The following PRLR variants were observed in gnomAD, a reference collection of about 807,000 sequenced individuals.
PRLR encodes the protein prolactin receptor.
Under a neutral mutation model 40.2 loss-of-function variants are expected in PRLR, and 13 were observed. That is an observed-to-expected ratio of 0.32 (90% CI 0.21 to 0.51). PRLR has a LOEUF of 0.51. PRLR is among the 20% of genes least tolerant of loss of function. The pLI, the probability that PRLR is intolerant of heterozygous loss-of-function variation, is 0.97. For missense variants in PRLR, 656 were observed against 747.3 expected (o/e 0.88, Z 1.42); for synonymous variants, 269 against 278.7 (o/e 0.97, Z 0.35).
intron 1 of PRLR, among the ~76,000 whole-genome samples, chr5:35,210,287 T>A (rs1776138833): frequency 6.6e-6 from 1 of 152,224 alleles, no homozygotes; most frequent in Non-Finnish European, 1.5e-5. Flanking sequence ...AGAAGCTCTG[T>A]GTAGGCAGAA....
chr5:35,176,682 A>G lies in PRLR; in HGVS notation c.-106+53586T>C, dbSNP rs1579767196. ...GTACCCAGGGACACAAAAACTGCGG[A>G]AGGCCGCAGGGACCTCTGCCTAGGA... is the stretch of plus-strand genomic sequence containing the variant. On this transcript the variant is annotated intron_variant, in intron 1 of 9. Coordinates refer to ENST00000618457, the MANE Select transcript of PRLR (RefSeq NM_000949.7). Among the ~76,000 whole-genome samples the G allele has an allele frequency of 3.9e-5, 6 of 152,280 alleles. No homozygotes were observed. In the South Asian group the frequency reaches 8.3e-4, roughly 21 times the overall value.
rs553990549 is a variant in PRLR at position 35,058,195 on chromosome 5, T to C, written c.*6894A>G. 1.3e-5 allele frequency: 2 copies of C among 152,152 alleles called. No homozygotes were observed. Among genetic ancestry groups the C allele is most frequent in the Admixed American group, 6.5e-5 (1 of 15,274 alleles). The allele number at this position is 152,152 out of a possible 1,614,324, so 9.4% of individuals were successfully genotyped here. ...CAATTACTTCTAATTTCTCACTTAG[T>C]GTTGGGGAATTTTGCTTGGCATTTT... On this transcript the variant is annotated 3_prime_UTR_variant, in exon 10 of 10. Coordinates refer to ENST00000618457, the MANE Select transcript of PRLR (RefSeq NM_000949.7).
intron 1 of PRLR, among the ~76,000 whole-genome samples, chr5:35,214,031 C>T (rs984961616): frequency 1.3e-5 from 2 of 152,198 alleles, no homozygotes; most frequent in Non-Finnish European, 2.9e-5. Flanking sequence ...CCCCGTTGTG[C>T]CTCTTGCTAA....
intron 2 of PRLR, among the ~76,000 whole-genome samples, chr5:35,102,619 T>G (rs979094898): frequency 4.0e-5 from 6 of 150,612 alleles, no homozygotes; most frequent in Non-Finnish European, 7.4e-5. Context: ...CTTGGCTCAC[T>G]GCAACCTCCA....
chr5:35,074,323 G>A lies in PRLR; in HGVS notation c.374-1579C>T, dbSNP rs542419094. On this transcript the variant is annotated intron_variant, in intron 5 of 9. Coordinates refer to ENST00000618457, the MANE Select transcript of PRLR (RefSeq NM_000949.7). The stretch of plus-strand genomic sequence containing the variant: ...TAAAAATACAAAAAATTTGCCAGGC[G>A]TGGTGGTGTGCACCTGTAGTTCCAG... Among the ~76,000 whole-genome samples the A allele has an allele frequency of 1.9e-3, 293 of 151,882 alleles. 1 individual carries two copies. Among genetic ancestry groups the A allele is most frequent in the Middle Eastern group, 6.8e-3 (2 of 294 alleles).
chr5:35,079,118 A>C (rs148369476), intron 5 of PRLR, among the ~76,000 whole-genome samples: 1,768 of 152,298 alleles, frequency 0.012, 35 homozygotes, highest in African/African-American at 0.04. Flanking sequence ...ATGGGCAAAA[A>C]CAGGAAGCAT....
At chr5:35,105,962 C>A (rs1056519477) in intron 2 of PRLR, among the ~76,000 whole-genome samples, 3 of 152,070 alleles carry the variant, frequency 2.0e-5, no homozygotes, top group African/African-American at 7.2e-5. Context: ...AAAAATGTTA[C>A]GGGCAGCCAG....
chr5:35,106,248 A>G (rs1772240385), intron 2 of PRLR, among the ~76,000 whole-genome samples: 2 of 152,212 alleles, frequency 1.3e-5, no homozygotes, highest in African/African-American at 4.8e-5. Context: ...GGAAGGAACA[A>G]CTGGTACCAG....
Position 35,057,925 on chromosome 5 carries a change from G to A in PRLR, c.*7164C>T, listed in dbSNP as rs1216022358. On this transcript the variant is annotated 3_prime_UTR_variant, in exon 10 of 10. Coordinates refer to ENST00000618457, the MANE Select transcript of PRLR (RefSeq NM_000949.7). ...GGGGGTTACAGAAGTCAATTTGTAAGAGATATCATTATCATGGCTTTGGAC... is the reference window on the plus strand; with the variant it reads ...GGGGGTTACAGAAGTCAATTTGTAAAAGATATCATTATCATGGCTTTGGAC... 2 of 152,094 alleles carry A rather than the reference G, an allele frequency of 1.3e-5. No homozygotes were observed. The highest frequency in any genetic ancestry group is 2.9e-5 in the Non-Finnish European group (2 of 67,992). The allele number at this position is 152,094 out of a possible 1,614,324, so 9.4% of individuals were successfully genotyped here.
At chr5:35,088,681 A>G (rs1175815001) in intron 3 of PRLR, among the ~76,000 whole-genome samples, 1 of 152,202 alleles carries the variant, frequency 6.6e-6, no homozygotes, top group Non-Finnish European at 1.5e-5. Flanking sequence ...TTCTCAATGC[A>G]CAGAAACACG....
At chr5:35,188,104 A>G (rs1579780725) in intron 1 of PRLR, among the ~76,000 whole-genome samples, 1 of 152,194 alleles carries the variant, frequency 6.6e-6, no homozygotes, top group African/African-American at 2.4e-5. Flanking sequence ...TACTGCAGTC[A>G]CCTGGGGCAG....
At chr5:35,215,889 A>G (rs1776274688) in intron 1 of PRLR, among the ~76,000 whole-genome samples, 1 of 151,238 alleles carries the variant, frequency 6.6e-6, no homozygotes, top group Non-Finnish European at 1.5e-5. Flanking sequence ...AAAAAAAAAA[A>G]AATTAGCTGG....
At chr5:35,082,248 T>TAAGAA (rs932619645) in intron 5 of PRLR, among the ~76,000 whole-genome samples, 19 of 152,322 alleles carry the variant, frequency 1.2e-4, no homozygotes, top group African/African-American at 4.6e-4. Context: ...AGTAAATACC[T>TAAGAA]AAGAAAGATT....
intron 1 of PRLR, among the ~76,000 whole-genome samples, chr5:35,209,691 A>G (rs1205418188): frequency 1.3e-5 from 2 of 152,342 alleles, no homozygotes; most frequent in East Asian, 1.9e-4. Context: ...GGGAGTGTCA[A>G]TCAAGCTGTG....
intron 1 of PRLR, among the ~76,000 whole-genome samples, chr5:35,219,171 G>C (rs143539215): frequency 0.019 from 2,958 of 152,300 alleles, 50 homozygotes; most frequent in Non-Finnish European, 0.026. Context: ...CCCAGTTTTA[G>C]TGTCTCCTAG....
In PRLR at chr5:35,067,139, C is replaced by T. The variant is rs539316745; in HGVS notation, c.856-1037G>A. On this transcript the variant is annotated intron_variant, in intron 9 of 9. Transcript: ENST00000618457. Reference sequence around the variant, plus strand: ...TTATCACTTATTATAGGGTATGTGACTTTGGACAAGCTGCTCTCTGAACTT... The same window carrying T: ...TTATCACTTATTATAGGGTATGTGATTTTGGACAAGCTGCTCTCTGAACTT... 9.9e-5 allele frequency among the ~76,000 whole-genome samples: 15 copies of T among 152,258 alleles called. 1 individual carries two copies. In the South Asian group the frequency reaches 2.9e-3, roughly 29 times the overall value.
intron 1 of PRLR, among the ~76,000 whole-genome samples, chr5:35,139,931 G>A (rs1309040897): frequency 0.014 from 1 of 70 alleles, no homozygotes; most frequent in Non-Finnish European, 0.025. Context: ...ATATCATTTA[G>A]AAATGAGCAA....
At chr5:35,178,485 T>C (rs2111969257) in intron 1 of PRLR, among the ~76,000 whole-genome samples, 1 of 152,334 alleles carries the variant, frequency 6.6e-6, no homozygotes. Flanking sequence ...ATGTACACTG[T>C]ATGTTCCTAT....
chr5:35,070,126 C>T lies in PRLR; in HGVS notation c.683G>A (p.Ser228Asn). 6.2e-7 allele frequency: 1 copy of T among 1,608,232 alleles called. No homozygotes were observed. Among genetic ancestry groups the T allele is most frequent in the Non-Finnish European group, 8.5e-7 (1 of 1,178,762 alleles). ...WSPATFIQIP[S>N]DFTMNDTTVW... The stretch of plus-strand genomic sequence containing the variant: ...CAAAAAAGAGCCAAGACGCTCACCA[C>T]TAGGTATCTGAATGAAGGTCGCTGG... The change falls in exon 7 of 10, where the codon AGT becomes AAT. Residue 228 changes from serine to asparagine, a missense_variant and splice_region_variant. By Grantham distance (46) the Ser-to-Asn change is conservative. Around this residue, in one of 3 missense-constraint regions of PRLR, gnomAD observed 469 missense variants for 491.5 expected, o/e 0.95. Coordinates refer to ENST00000618457, the MANE Select transcript of PRLR (RefSeq NM_000949.7).
Sources: gnomAD v4.1 joint callset for allele counts (sites outside exome capture counted in the v4.1 genomes callset) on GRCh38, gnomAD v4.1.1 for gene constraint, gnomAD v4.1.1 regional missense constraint, MANE v1.5 for transcripts, NCBI Gene and HGNC (gene_info 2026-07-23, HGNC 2026-07-21) for gene names.